FSTL4: variants seen among roughly 807,000 people sequenced by gnomAD.
The protein encoded by FSTL4 is follistatin like 4.
FSTL4 carries 28 observed loss-of-function variants against 78.2 expected under a neutral mutation model. The ratio of observed to expected loss-of-function variants is 0.36; its 90% CI spans 0.27 to 0.49. The LOEUF (loss-of-function observed/expected upper bound fraction) is 0.49, where lower values mean the gene tolerates loss of function less well. Ranked by LOEUF, FSTL4 falls within the 20% of genes least tolerant of loss-of-function variation. The pLI is 0.98. For synonymous variants in FSTL4, 422 were observed against 440.5 expected (o/e 0.96, Z 0.53); for missense variants, 922 against 1,084.9 (o/e 0.85, Z 2.11).
At chr5:133,448,733 C>CG (rs1433339860) in intron 3 of FSTL4, among the ~76,000 whole-genome samples, 503 of 2,000 alleles carry the variant, frequency 0.25, 8 homozygotes, top group Admixed American at 0.35. Flanking sequence ...CCCAGGGGTG[C>CG]GGGGGCGGGG....
the FSTL4 span, among the ~76,000 whole-genome samples, chr5:133,659,252 T>C: frequency 6.6e-6 from 1 of 152,158 alleles, no homozygotes; most frequent in Non-Finnish European, 1.5e-5. Context: ...CTGTCAGTTG[T>C]TGCTGTATGT....
In FSTL4 at chr5:133,338,188, G is replaced by A. The variant is rs541236604; in HGVS notation, c.410-21536C>T. On this transcript the variant is annotated intron_variant, in intron 4 of 15. Coordinates refer to ENST00000265342, the MANE Select transcript of FSTL4 (RefSeq NM_015082.2). This position sits in a 1 kb window ranked among gnomAD's most constrained non-coding sequence, Gnocchi z 4.0. ...ATTGAGTCATGTTTCTAGATGACTC[G>A]GGTCACTCACTGGCCCTGGCCCTGA... Among the ~76,000 whole-genome samples the A allele has an allele frequency of 8.2e-4, 125 of 152,268 alleles. No individual in the cohort carries two copies. The highest frequency in any genetic ancestry group is 2.6e-3 in the African/African-American group (106 of 41,534).
In FSTL4 at chr5:133,399,130, T is replaced by C. The variant is rs564289420; in HGVS notation, c.409+1608A>G. Among the ~76,000 whole-genome samples, 90 of 152,192 alleles carry C rather than the reference T, an allele frequency of 5.9e-4. 1 individual carries two copies. The highest frequency in any genetic ancestry group is 3.7e-3 in the Admixed American group (56 of 15,280). On this transcript the variant is annotated intron_variant, in intron 4 of 15. Transcript: ENST00000265342. ...GGGTGTGCACACTCTGATGCAGAAATAGAAACCTTTAGGAAGATGCAATTT... is the reference window on the plus strand; with the variant it reads ...GGGTGTGCACACTCTGATGCAGAAACAGAAACCTTTAGGAAGATGCAATTT...
intron 6 of FSTL4, among the ~76,000 whole-genome samples, chr5:133,308,928 A>G (rs1753714638): frequency 6.6e-6 from 1 of 152,118 alleles, no homozygotes; most frequent in Non-Finnish European, 1.5e-5. Context: ...CATCCAACAC[A>G]TTCGTGGGCT....
chr5:133,672,204 A>G, the FSTL4 span, among the ~76,000 whole-genome samples: 8 of 150,762 alleles, frequency 5.3e-5, no homozygotes, highest in Non-Finnish European at 1.0e-4. Flanking sequence ...AGCAATGTGT[A>G]TTACTTCCAG....
chr5:133,550,483 C>A (rs1759669288), intron 3 of FSTL4, among the ~76,000 whole-genome samples: 1 of 152,174 alleles, frequency 6.6e-6, no homozygotes, highest in Non-Finnish European at 1.5e-5. Context: ...CCCCAGGCAA[C>A]CCCAGCCCCA....
intron 7 of FSTL4, chr5:133,247,609 A>C (rs1415557462): frequency 6.6e-6 from 1 of 152,286 alleles, no homozygotes; most frequent in East Asian, 1.9e-4. Flanking sequence ...GTCTTTACAG[A>C]TAGGACACTG....
chr5:133,458,669 G>C (rs1757537549), intron 3 of FSTL4, among the ~76,000 whole-genome samples: 1 of 152,234 alleles, frequency 6.6e-6, no homozygotes, highest in Non-Finnish European at 1.5e-5. Context: ...TGGCCTCATG[G>C]GAATGCCCCC....
chr5:133,228,069 A>G (rs1451663603), intron 8 of FSTL4, among the ~76,000 whole-genome samples: 7 of 152,098 alleles, frequency 4.6e-5, no homozygotes, highest in Non-Finnish European at 7.4e-5. Flanking sequence ...TCTATCAAAC[A>G]TACAAACATT....
At chr5:133,493,074 A>T (rs1425510950) in intron 3 of FSTL4, among the ~76,000 whole-genome samples, 1 of 152,050 alleles carries the variant, frequency 6.6e-6, no homozygotes, top group African/African-American at 2.4e-5. Flanking sequence ...TTCCCCTACA[A>T]TTCCTTCTTT....
At chr5:133,422,578 A>C (rs1756721790) in intron 3 of FSTL4, among the ~76,000 whole-genome samples, 1 of 152,116 alleles carries the variant, frequency 6.6e-6, no homozygotes, top group Admixed American at 6.5e-5. Context: ...AAATCAAAGA[A>C]TTTGTTCTAA....
At chr5:133,310,345 C>T (rs1049784153) in intron 6 of FSTL4, among the ~76,000 whole-genome samples, 12 of 152,148 alleles carry the variant, frequency 7.9e-5, no homozygotes, top group Non-Finnish European at 1.3e-4. Context: ...AATCCAGGAA[C>T]GAAGGGAGCT....
the FSTL4 span, among the ~76,000 whole-genome samples, chr5:133,716,386 TATA>T: frequency 6.8e-6 from 1 of 147,602 alleles, no homozygotes; most frequent in South Asian, 2.1e-4. Flanking sequence ...TATATAAGAA[TATA>T]TATATATATA....
chr5:133,472,406 GC>G (rs1210142900), intron 3 of FSTL4, among the ~76,000 whole-genome samples: 1 of 152,106 alleles, frequency 6.6e-6, no homozygotes, highest in Non-Finnish European at 1.5e-5. Flanking sequence ...GAGAGTGCGA[GC>G]AAAAAGAACA....
intron 8 of FSTL4, among the ~76,000 whole-genome samples, chr5:133,231,594 G>A (rs757070607): frequency 1.3e-5 from 2 of 152,164 alleles, no homozygotes; most frequent in South Asian, 4.1e-4. Flanking sequence ...CCAGGTTGGA[G>A]TGCAGCAGTG....
intron 4 of FSTL4, among the ~76,000 whole-genome samples, chr5:133,360,133 TC>T (rs1242181899): frequency 6.6e-6 from 1 of 152,214 alleles, no homozygotes; most frequent in Non-Finnish European, 1.5e-5. Flanking sequence ...ACACACCCTG[TC>T]CCTCTCCTCT....
At chr5:133,256,077 A>G (rs1262973221) in intron 6 of FSTL4, among the ~76,000 whole-genome samples, 3 of 152,168 alleles carry the variant, frequency 2.0e-5, no homozygotes, top group African/African-American at 7.2e-5. Flanking sequence ...AAATGATGCC[A>G]TTGGTGAAAA....
At chr5:133,334,481 T>C (rs1427691293) in intron 4 of FSTL4, among the ~76,000 whole-genome samples, 1 of 152,030 alleles carries the variant, frequency 6.6e-6, no homozygotes, top group Non-Finnish European at 1.5e-5. Context: ...GAATAGAGCA[T>C]GGTGTGGGGT....
At chr5:133,206,624 A>AGTGCTGGGATTATAGGCATGAACC (rs1330239771) in intron 14 of FSTL4, among the ~76,000 whole-genome samples, 1 of 152,272 alleles carries the variant, frequency 6.6e-6, no homozygotes, top group African/African-American at 2.4e-5. Flanking sequence ...GGCCTCCCAA[A>AGTGCTGGGATTATAGGCATGAACC]GTGCTGGGAT....
Sources: gnomAD v4.1 joint callset for allele counts (sites outside exome capture counted in the v4.1 genomes callset) on GRCh38, gnomAD v4.1.1 for gene constraint, Gnocchi (gnomAD v3.1) non-coding constraint, MANE v1.5 for transcripts, NCBI Gene and HGNC (gene_info 2026-07-23, HGNC 2026-07-21) for gene names.